RAB20: variants seen among roughly 807,000 people sequenced by gnomAD.
RAB20 encodes ras-related protein Rab-20.
Under a neutral mutation model 3.7 loss-of-function variants are expected in RAB20, and 2 were observed. The observed-to-expected ratio is 0.54, with a 90% CI of 0.22 to 1.69. The LOEUF is 1.69. Among genes scored for constraint, RAB20 ranks in the 40% most tolerant of loss-of-function variants. RAB20 has a pLI of 0.19. For missense variants in RAB20, 276 were observed against 311.9 expected (o/e 0.88, Z 0.87); for synonymous variants, 126 against 130.8 (o/e 0.96, Z 0.25).
rs139726686 is a variant in RAB20 at position 110,555,787 on chromosome 13, A to G, written c.172+5561T>C. Among the ~76,000 whole-genome samples the G allele has an allele frequency of 1.8e-3, 272 of 152,232 alleles. 2 individuals carry two copies. Among genetic ancestry groups the G allele is most frequent in the African/African-American group, 6.0e-3 (249 of 41,550 alleles). ...CTGAGCCCTTGGGTGGCAGATGGCG[A>G]CTTTTATTCTCACTCTTTACCACGG... On this transcript the variant is annotated intron_variant, in intron 1 of 1. Transcript: ENST00000267328. This position sits in a 1 kb window ranked among gnomAD's most constrained non-coding sequence, Gnocchi z 4.0.
Position 110,523,633 on chromosome 13 carries a change from T to G in RAB20, c.*32A>C. 6.2e-7 allele frequency: 1 copy of G among 1,602,252 alleles called. No homozygotes were observed. Among genetic ancestry groups the G allele is most frequent in the Non-Finnish European group, 8.5e-7 (1 of 1,172,048 alleles). On this transcript the variant is annotated 3_prime_UTR_variant, in exon 2 of 2. Coordinates refer to ENST00000267328, the MANE Select transcript of RAB20 (RefSeq NM_017817.3). ...TGCCTGGTCAGACCCCTTCCCAACATGCACAGTCTGAGTCCAGGAGGCCCT... is the reference window on the plus strand; with the variant it reads ...TGCCTGGTCAGACCCCTTCCCAACAGGCACAGTCTGAGTCCAGGAGGCCCT...
At chr13:110,533,092 T>A (rs1308634660) in intron 1 of RAB20, among the ~76,000 whole-genome samples, 1 of 152,098 alleles carries the variant, frequency 6.6e-6, no homozygotes, top group Non-Finnish European at 1.5e-5. Context: ...AAGTGCATAT[T>A]CCCAGACCAG....
intron 1 of RAB20, among the ~76,000 whole-genome samples, chr13:110,525,166 GCA>G (rs760108314): frequency 6.6e-5 from 10 of 152,216 alleles, no homozygotes; most frequent in Non-Finnish European, 1.0e-4. Flanking sequence ...GTCGATGTGG[GCA>G]CACACACTTT....
At chr13:110,557,831 T>G (rs2025656) in intron 1 of RAB20, among the ~76,000 whole-genome samples, 126,545 of 152,300 alleles carry the variant, frequency 0.83, 54,681 homozygotes, top group South Asian at 0.97. Context: ...CCACGGCCTT[T>G]AGAAGGGAAG....
intron 1 of RAB20, among the ~76,000 whole-genome samples, chr13:110,535,024 A>G (rs1419477029): frequency 6.6e-6 from 1 of 151,976 alleles, no homozygotes; most frequent in African/African-American, 2.4e-5. Context: ...AGTAGAGATG[A>G]GGTCTCACTA....
chr13:110,554,451 G>A (rs1190415604), intron 1 of RAB20, among the ~76,000 whole-genome samples: 1 of 152,188 alleles, frequency 6.6e-6, no homozygotes, highest in Admixed American at 6.5e-5. Flanking sequence ...GGTCCTCTGA[G>A]CTGAACTCTC....
chr13:110,527,948 C>A (rs951480715), intron 1 of RAB20, among the ~76,000 whole-genome samples: 27 of 147,968 alleles, frequency 1.8e-4, no homozygotes, highest in Admixed American at 4.7e-4. Context: ...CACACATACA[C>A]TTTAATTAGC....
At chr13:110,527,577 T>C (rs1475903243) in intron 1 of RAB20, among the ~76,000 whole-genome samples, 1 of 152,162 alleles carries the variant, frequency 6.6e-6, no homozygotes, top group Non-Finnish European at 1.5e-5. Flanking sequence ...AGAGCCACCC[T>C]GTTGGCAAGC....
At chr13:110,540,337 T>C (rs1317405752) in intron 1 of RAB20, among the ~76,000 whole-genome samples, 5 of 152,282 alleles carry the variant, frequency 3.3e-5, no homozygotes, top group South Asian at 2.1e-4. Context: ...TATTTGCTAA[T>C]GTCTCCAAAT....
At chr13:110,529,621 GGGTCAGTGA>G (rs1203724356) in intron 1 of RAB20, among the ~76,000 whole-genome samples, 6 of 152,170 alleles carry the variant, frequency 3.9e-5, no homozygotes, top group African/African-American at 1.2e-4. Flanking sequence ...ATGCAGCCAA[GGGTCAGTGA>G]GCTGCCAACC....
chr13:110,553,690 C>T (rs527435112), intron 1 of RAB20, among the ~76,000 whole-genome samples: 44 of 152,342 alleles, frequency 2.9e-4, no homozygotes, highest in African/African-American at 1.1e-3. Context: ...ATGTGATTGA[C>T]CAAATGGTCT....
At position 110,555,150 on chromosome 13, in the gene RAB20, A is replaced by G. The variant is rs968116128; in HGVS notation, c.172+6198T>C. Reference sequence around the variant, plus strand: ...GCACAGAGCCTGGCACGTGGCAGGGACCCACATACAGTGGCAATTACTGTA... The same window carrying G: ...GCACAGAGCCTGGCACGTGGCAGGGGCCCACATACAGTGGCAATTACTGTA... On this transcript the variant is annotated intron_variant, in intron 1 of 1. Transcript: ENST00000267328. This position sits in a 1 kb window ranked among gnomAD's most constrained non-coding sequence, Gnocchi z 4.0. Among the ~76,000 whole-genome samples the G allele has an allele frequency of 2.6e-5, 4 of 152,158 alleles. No individual in the cohort carries two copies. The highest frequency in any genetic ancestry group is 9.7e-5 in the African/African-American group (4 of 41,438).
chr13:110,556,584 A>G, intron 1 of RAB20, among the ~76,000 whole-genome samples: 1 of 151,502 alleles, frequency 6.6e-6, no homozygotes, highest in East Asian at 1.9e-4. Flanking sequence ...CCCAGGCTGG[A>G]GTGCAGTGGT....
chr13:110,555,845 C>T lies in RAB20; in HGVS notation c.172+5503G>A, dbSNP rs1033155131. ...GAGTGCCCCCAGCCTTCCCTCCTCTCGCCGTGGCCTCCCCATTTATTAGAG... is the reference window on the plus strand; with the variant it reads ...GAGTGCCCCCAGCCTTCCCTCCTCTTGCCGTGGCCTCCCCATTTATTAGAG... On this transcript the variant is annotated intron_variant, in intron 1 of 1. Coordinates refer to ENST00000267328, the MANE Select transcript of RAB20 (RefSeq NM_017817.3). This position sits in a 1 kb window ranked among gnomAD's most constrained non-coding sequence, Gnocchi z 4.0. 1.3e-5 allele frequency among the ~76,000 whole-genome samples: 2 copies of T among 152,214 alleles called. No individual in the cohort carries two copies. The highest frequency in any genetic ancestry group is 4.8e-5 in the African/African-American group (2 of 41,444).
Position 110,523,609 on chromosome 13 carries a change from G to T in RAB20, c.*56C>A. Reference sequence around the variant, plus strand: ...CCTTGCTCCTTTCAGATCACAGCTTGCCTGGTCAGACCCCTTCCCAACATG... The same window carrying T: ...CCTTGCTCCTTTCAGATCACAGCTTTCCTGGTCAGACCCCTTCCCAACATG... On this transcript the variant is annotated 3_prime_UTR_variant, in exon 2 of 2. Transcript: ENST00000267328. The T allele has an allele frequency of 1.3e-6, 2 of 1,575,712 alleles. No individual in the cohort carries two copies. Among genetic ancestry groups the T allele is most frequent in the Non-Finnish European group, 1.7e-6 (2 of 1,158,704 alleles).
chr13:110,537,559 C>G (rs1182002436), intron 1 of RAB20, among the ~76,000 whole-genome samples: 1 of 151,888 alleles, frequency 6.6e-6, no homozygotes, highest in East Asian at 1.9e-4. Context: ...AGTGTCTCAT[C>G]ATAAACAGAC....
intron 1 of RAB20, among the ~76,000 whole-genome samples, chr13:110,533,520 A>T (rs1364002745): frequency 1.8e-5 from 1 of 54,256 alleles, no homozygotes; most frequent in Admixed American, 1.8e-4. Flanking sequence ...CTATCTCTAC[A>T]AAAAAAAATT....
chr13:110,542,150 T>C (rs1417176842), intron 1 of RAB20, among the ~76,000 whole-genome samples: 2 of 152,246 alleles, frequency 1.3e-5, no homozygotes, highest in Non-Finnish European at 2.9e-5. Context: ...TGTTTTGTTT[T>C]TAATCAGAAC....
chr13:110,550,915 A>G (rs1001595564), intron 1 of RAB20, among the ~76,000 whole-genome samples: 1 of 152,212 alleles, frequency 6.6e-6, no homozygotes, highest in African/African-American at 2.4e-5. Context: ...AGGATACCAT[A>G]TAATTAATGT....
Sources: allele counts gnomAD v4.1 joint callset (sites outside exome capture counted in the v4.1 genomes callset), GRCh38; gene constraint gnomAD v4.1.1; non-coding constraint Gnocchi (gnomAD v3.1); transcripts MANE v1.5; gene names NCBI Gene and HGNC (gene_info 2026-07-23, HGNC 2026-07-21).